The following SC5D variants were observed in gnomAD, a reference collection of about 807,000 sequenced individuals.
SC5D encodes lathosterol oxidase.
SC5D carries 21 observed loss-of-function variants against 23.9 expected under a neutral mutation model. The ratio of observed to expected loss-of-function variants is 0.88; its 90% CI spans 0.62 to 1.26. The LOEUF is 1.26. Among genes scored for constraint, SC5D ranks in the 50% most tolerant of loss-of-function variants. The pLI is 0.00. For synonymous variants in SC5D, 113 were observed against 125.9 expected, an observed-to-expected ratio of 0.90 and a Z score of 0.68; for missense variants, 309 against 364.8, an observed-to-expected ratio of 0.85 and a Z score of 1.25.
Position 121,306,370 on chromosome 11 carries a change from C to A in SC5D, c.344-16C>A. ...AGCTGAGTTTTGATTCTTCTGTTTC[C>A]CGTTTTCTTTTCTAGGATTGTTTGA... On this transcript the variant is annotated splice_polypyrimidine_tract_variant and intron_variant, in intron 3 of 4. Coordinates refer to ENST00000264027, the MANE Select transcript of SC5D (RefSeq NM_006918.5). 1 of 1,304,208 alleles carries A rather than the reference C, an allele frequency of 7.7e-7. No individual in the cohort carries two copies. The highest frequency in any genetic ancestry group is 1.1e-6 in the Non-Finnish European group (1 of 899,812). 80.8% of individuals were successfully genotyped at this position (1,304,208 alleles called of 1,614,324 possible).
In SC5D at chr11:121,312,935, G is replaced by A. The variant is rs1240776519; in HGVS notation, c.*5423G>A. Among the ~76,000 whole-genome samples, 5 of 152,136 alleles carry A rather than the reference G, an allele frequency of 3.3e-5. No individual in the cohort carries two copies. Among genetic ancestry groups the A allele is most frequent in the African/African-American group, 1.2e-4 (5 of 41,532 alleles). On this transcript the variant is annotated 3_prime_UTR_variant, in exon 5 of 5. Coordinates refer to ENST00000264027, the MANE Select transcript of SC5D (RefSeq NM_006918.5). The stretch of plus-strand genomic sequence containing the variant: ...CTTTTGTCTGTCGCTTCATTGGGAC[G>A]TTTTTTCTTTCTGATCAACTTAATG...
At chr11:121,302,002 C>G (rs563328058) in intron 1 of SC5D, among the ~76,000 whole-genome samples, 4 of 151,952 alleles carry the variant, frequency 2.6e-5, no homozygotes, top group African/African-American at 9.7e-5. Flanking sequence ...AATGAAATGA[C>G]GGTGTGGTTT....
intron 1 of SC5D, among the ~76,000 whole-genome samples, chr11:121,299,883 G>T (rs1947914122): frequency 6.6e-6 from 1 of 152,170 alleles, no homozygotes; most frequent in Non-Finnish European, 1.5e-5. Flanking sequence ...GACAGAGCAA[G>T]ACCTTGTCTC....
Position 121,313,070 on chromosome 11 carries a change from AT to A in SC5D, c.*5562del, listed in dbSNP as rs1948023825. Among the ~76,000 whole-genome samples the A allele has an allele frequency of 6.6e-6, 1 of 152,172 alleles. No homozygotes were observed. The highest frequency in any genetic ancestry group is 2.1e-4 in the South Asian group (1 of 4,834). On this transcript the variant is annotated 3_prime_UTR_variant, in exon 5 of 5. Coordinates refer to ENST00000264027, the MANE Select transcript of SC5D (RefSeq NM_006918.5). Reference sequence around the variant, plus strand: ...ACCACCCCCAATCAAAGTAAAGAACATTTTCTTACCAGAATAAATTTCCTCT... The same window carrying A: ...ACCACCCCCAATCAAAGTAAAGAACATTTCTTACCAGAATAAATTTCCTCT...
intron 1 of SC5D, 112 bp downstream of exon 1, chr11:121,292,928 G>A (rs1033093103): frequency 1.3e-5 from 2 of 152,330 alleles, no homozygotes; most frequent in East Asian, 3.8e-4. Flanking sequence ...GACTCGGGTG[G>A]GCGAGGCGGA....
chr11:121,308,714 G>A lies in SC5D; in HGVS notation c.*1202G>A, dbSNP rs1947987112. 6.6e-6 allele frequency: 1 copy of A among 152,612 alleles called. No homozygotes were observed. Among genetic ancestry groups the A allele is most frequent in the Admixed American group, 6.5e-5 (1 of 15,280 alleles). The allele number at this position is 152,612 out of a possible 1,614,324, so 9.5% of individuals were successfully genotyped here. ...CAATTTGAAGCCACAGAAATGATGT[G>A]GATTGTTAATTGTGTTTTAGAACAT... On this transcript the variant is annotated 3_prime_UTR_variant, in exon 5 of 5. Coordinates refer to ENST00000264027, the MANE Select transcript of SC5D (RefSeq NM_006918.5).
intron 1 of SC5D, among the ~76,000 whole-genome samples, chr11:121,303,036 C>G (rs1000087414): frequency 2.0e-5 from 3 of 152,202 alleles, no homozygotes; most frequent in Admixed American, 6.5e-5. Context: ...TTACCACTTG[C>G]CATGCTGCCA....
At chr11:121,298,273 A>G (rs1327451730) in intron 1 of SC5D, among the ~76,000 whole-genome samples, 1 of 152,232 alleles carries the variant, frequency 6.6e-6, no homozygotes, top group East Asian at 1.9e-4. Flanking sequence ...TATTACAGTC[A>G]TGAGCCACCA....
In SC5D at chr11:121,302,118, A is replaced by G. The variant is rs149464486; in HGVS notation, c.-10-1248A>G. 2.6e-5 allele frequency among the ~76,000 whole-genome samples: 4 copies of G among 152,352 alleles called. No homozygotes were observed. The East Asian group carries it at 5.8e-4, about 22-fold the overall frequency. On this transcript the variant is annotated intron_variant, in intron 1 of 4. Coordinates refer to ENST00000264027, the MANE Select transcript of SC5D (RefSeq NM_006918.5). ...ATTTAGTGGAGAAATCTCATAGGGAATCTAGTGAAGGAAATAGGCTACAAA... is the reference window on the plus strand; with the variant it reads ...ATTTAGTGGAGAAATCTCATAGGGAGTCTAGTGAAGGAAATAGGCTACAAA...
chr11:121,304,409 A>G lies in SC5D; in HGVS notation c.259A>G (p.Ile87Val). The G allele has an allele frequency of 2.5e-6, 4 of 1,612,508 alleles. No individual in the cohort carries two copies. Among genetic ancestry groups the G allele is most frequent in the Non-Finnish European group, 3.4e-6 (4 of 1,178,612 alleles). Residue 87 changes from isoleucine to valine, a missense_variant, in exon 3 of 5, where the codon ATA (isoleucine) becomes GTA (valine). Physicochemically the swap from Ile to Val is conservative, Grantham distance 29. Coordinates refer to ENST00000264027, the MANE Select transcript of SC5D (RefSeq NM_006918.5). ...GTTTACTGTCCAGGCATTGCCATGG[A>G]TAAGTATTCTTACTGTTGCACTGTT... ...IKFTVQALPW[I>V]SILTVALFLL... is the part of the protein sequence containing the mutation.
Position 121,311,595 on chromosome 11 carries a change from T to C in SC5D, c.*4083T>C, listed in dbSNP as rs1948011325. Among the ~76,000 whole-genome samples the C allele has an allele frequency of 6.6e-6, 1 of 152,142 alleles. No homozygotes were observed. The highest frequency in any genetic ancestry group is 2.4e-5 in the African/African-American group (1 of 41,430). ...AAAAGAAAAAAGATCCTCAAAGATATTAGTTGGTTACATCAAGAAAGGACA... is the reference window on the plus strand; with the variant it reads ...AAAAGAAAAAAGATCCTCAAAGATACTAGTTGGTTACATCAAGAAAGGACA... On this transcript the variant is annotated 3_prime_UTR_variant, in exon 5 of 5. Transcript: ENST00000264027.
chr11:121,297,252 A>C (rs1362581228), intron 1 of SC5D, among the ~76,000 whole-genome samples: 2 of 152,224 alleles, frequency 1.3e-5, no homozygotes, highest in African/African-American at 4.8e-5. Context: ...AATCTGCCTA[A>C]TGAGGGCCTG....
In SC5D at chr11:121,303,416, C is replaced by T. The variant is rs1376088223; in HGVS notation, c.41C>T (p.Thr14Ile). Residue 14 changes from threonine to isoleucine, a missense_variant, in exon 2 of 5, where the codon ACA becomes ATA. Transcript: ENST00000264027. ...VLRVADYYFF[T>I]PYVYPATWPE... ...CGTGTTGCAGATTACTATTTTTTTA[C>T]ACCATACGTGTATCCAGCCACATGG... is the stretch of plus-strand genomic sequence containing the variant. 1.2e-6 allele frequency: 2 copies of T among 1,613,978 alleles called. No individual in the cohort carries two copies. The highest frequency in any genetic ancestry group is 2.2e-5 in the South Asian group (2 of 91,084).
chr11:121,312,214 T>A lies in SC5D; in HGVS notation c.*4702T>A, dbSNP rs1416210231. Among the ~76,000 whole-genome samples, 1 of 152,192 alleles carries A rather than the reference T, an allele frequency of 6.6e-6. No individual in the cohort carries two copies. Among genetic ancestry groups the A allele is most frequent in the African/African-American group, 2.4e-5 (1 of 41,460 alleles). ...GCAGGAAGGAAGTGTTTGAACCATGTGTCAACAAGCTTTACTGTCAAAGCA... is the reference window on the plus strand; with the variant it reads ...GCAGGAAGGAAGTGTTTGAACCATGAGTCAACAAGCTTTACTGTCAAAGCA... On this transcript the variant is annotated 3_prime_UTR_variant, in exon 5 of 5. Transcript: ENST00000264027.
At chr11:121,302,679 C>G (rs1018959720) in intron 1 of SC5D, among the ~76,000 whole-genome samples, 1 of 152,110 alleles carries the variant, frequency 6.6e-6, no homozygotes, top group Non-Finnish European at 1.5e-5. Flanking sequence ...TCGCTGTGTT[C>G]CATAAAGATT....
At position 121,309,319 on chromosome 11, in the gene SC5D, G is replaced by A. The variant is rs974684219; in HGVS notation, c.*1807G>A. The stretch of plus-strand genomic sequence containing the variant: ...TGGAAAATGTTTCTGGGTCAGGCCT[G>A]GAAGTGGTGCATATCTCTTCCGCCC... On this transcript the variant is annotated 3_prime_UTR_variant, in exon 5 of 5. Coordinates refer to ENST00000264027, the MANE Select transcript of SC5D (RefSeq NM_006918.5). Among the ~76,000 whole-genome samples, 3 of 152,166 alleles carry A rather than the reference G, an allele frequency of 2.0e-5. No individual in the cohort carries two copies. The highest frequency in any genetic ancestry group is 7.2e-5 in the African/African-American group (3 of 41,436).
intron 1 of SC5D, among the ~76,000 whole-genome samples, chr11:121,302,717 C>T (rs1370606640): frequency 3.9e-5 from 6 of 152,030 alleles, no homozygotes; most frequent in South Asian, 2.1e-4. Context: ...GAGTTTGGCC[C>T]GTGGGCTGCA....
chr11:121,301,884 A>G (rs1363785257), intron 1 of SC5D, among the ~76,000 whole-genome samples: 2 of 152,116 alleles, frequency 1.3e-5, no homozygotes, highest in Non-Finnish European at 2.9e-5. Flanking sequence ...ATAGTATGCC[A>G]TGTTTTGTAA....
intron 2 of SC5D, 77 bp downstream of exon 2, chr11:121,303,662 T>A (rs1947942030): frequency 8.2e-7 from 1 of 1,214,132 alleles, no homozygotes; most frequent in East Asian, 2.5e-5. Context: ...ATTTTTAGAT[T>A]AAGCTGATTA....
Sources: allele counts gnomAD v4.1 joint callset (sites outside exome capture counted in the v4.1 genomes callset), GRCh38; gene constraint gnomAD v4.1.1; transcripts MANE v1.5; gene names NCBI Gene and HGNC (gene_info 2026-07-23, HGNC 2026-07-21).